The following DNAJC18 variants were observed in gnomAD, a reference collection of about 807,000 sequenced individuals.
DNAJC18 encodes dnaJ homolog subfamily C member 18.
DNAJC18 carries 40 observed loss-of-function variants against 48.6 expected under a neutral mutation model. The observed-to-expected ratio is 0.82, with a 90% CI of 0.64 to 1.07. DNAJC18 has a LOEUF of 1.07. DNAJC18 is among the 50% of genes least tolerant of loss of function. DNAJC18 has a pLI of 0.00. For missense variants in DNAJC18, 340 were observed against 427.7 expected, an observed-to-expected ratio of 0.79 and a Z score of 1.81; for synonymous variants, 135 against 152.2, an observed-to-expected ratio of 0.89 and a Z score of 0.83.
At chr5:139,423,647 C>T (rs1665010803) in intron 5 of DNAJC18, among the ~76,000 whole-genome samples, 1 of 151,958 alleles carries the variant, frequency 6.6e-6, no homozygotes, top group South Asian at 2.1e-4. Flanking sequence ...CCTCAGTTCC[C>T]CCAAAGTGTT....
chr5:139,419,277 G>A, intron 7 of DNAJC18: 1 of 380,236 alleles, frequency 2.6e-6, no homozygotes, highest in South Asian at 2.0e-5. Flanking sequence ...CAAAGGTGAA[G>A]CTGTTGGCTG....
In DNAJC18 at chr5:139,412,819, A is replaced by T. The variant is rs543319794; in HGVS notation, c.*1329T>A. On this transcript the variant is annotated 3_prime_UTR_variant, in exon 8 of 8. Coordinates refer to ENST00000302060, the MANE Select transcript of DNAJC18 (RefSeq NM_152686.4). ...TCCTGCTTCCTAAAGAGCAGCAGGGATGTTGTCCTGAACAGATGCAAGATT... is the reference window on the plus strand; with the variant it reads ...TCCTGCTTCCTAAAGAGCAGCAGGGTTGTTGTCCTGAACAGATGCAAGATT... 6.8e-5 allele frequency: 27 copies of T among 398,614 alleles called. No individual in the cohort carries two copies. In the South Asian group the frequency reaches 3.3e-3, roughly 49 times the overall value. The allele number at this position is 398,614 out of a possible 1,614,324, so 24.7% of individuals were successfully genotyped here. A position where few individuals can be genotyped will look rare whatever the true frequency, so the allele number is the denominator to read the frequency against.
intron 4 of DNAJC18, 50 bp from the exon 5 acceptor site, chr5:139,425,164 C>A: frequency 1.3e-6 from 2 of 1,505,392 alleles, no homozygotes; most frequent in Admixed American, 1.8e-5. Context: ...CCTTCCCTGC[C>A]TTTTTCTTTT....
intron 5 of DNAJC18, among the ~76,000 whole-genome samples, chr5:139,423,025 C>T (rs1284661887): frequency 2.0e-5 from 3 of 152,046 alleles, no homozygotes; most frequent in African/African-American, 7.2e-5. Context: ...TTAGTAGAGA[C>T]AGGGTTTCAC....
In DNAJC18 at chr5:139,426,159, T is replaced by G. The variant is rs1759239791; in HGVS notation, c.559+13A>C. 1 of 1,608,152 alleles carries G rather than the reference T, an allele frequency of 6.2e-7. No individual in the cohort carries two copies. Among genetic ancestry groups the G allele is most frequent in the Non-Finnish European group, 8.5e-7 (1 of 1,178,254 alleles). On this transcript the variant is annotated intron_variant, in intron 4 of 7. Coordinates refer to ENST00000302060, the MANE Select transcript of DNAJC18 (RefSeq NM_152686.4). ...AGAAATATGTTTAAGAATGATAATT[T>G]GGGGAGACTAACCTGTAGGAAAATG...
At chr5:139,428,201 A>G (rs1759273234) in intron 3 of DNAJC18, among the ~76,000 whole-genome samples, 1 of 152,232 alleles carries the variant, frequency 6.6e-6, no homozygotes, top group Admixed American at 6.5e-5. Flanking sequence ...GTTTGAGATC[A>G]GCCAGAGCAA....
At chr5:139,435,974 T>C (rs1445810385) in intron 2 of DNAJC18, among the ~76,000 whole-genome samples, 4 of 152,034 alleles carry the variant, frequency 2.6e-5, no homozygotes, top group Admixed American at 6.6e-5. Flanking sequence ...TCCTCCCACC[T>C]CAGCCTCCCA....
In DNAJC18 at chr5:139,413,870, T is replaced by A. The variant is rs562355422; in HGVS notation, c.*278A>T. ...TGGGATGCCCTGAACTCCATTCACA[T>A]AGGCAGGGTAGGCATGGAGCAGGGA... On this transcript the variant is annotated 3_prime_UTR_variant, in exon 8 of 8. Coordinates refer to ENST00000302060, the MANE Select transcript of DNAJC18 (RefSeq NM_152686.4). 13 of 381,704 alleles carry A rather than the reference T, an allele frequency of 3.4e-5. No individual in the cohort carries two copies. In the East Asian group the frequency reaches 6.6e-4, roughly 19 times the overall value. The allele number at this position is 381,704 out of a possible 1,614,324, so 23.6% of individuals were successfully genotyped here.
At chr5:139,428,820 A>T in intron 2 of DNAJC18, 137 bp from the exon 3 acceptor site, 1 of 1,061,244 alleles carries the variant, frequency 9.4e-7, no homozygotes, top group Non-Finnish European at 1.3e-6. Flanking sequence ...CGTTAATGAA[A>T]CATTCAAATT....
At chr5:139,437,589 C>T (rs1750698307) in intron 1 of DNAJC18, 31 bp from the exon 2 acceptor site, 2 of 1,575,560 alleles carry the variant, frequency 1.3e-6, no homozygotes, top group Admixed American at 1.9e-5. Flanking sequence ...ATTAGGTCTC[C>T]ATCTGACCCT....
chr5:139,419,387 TA>T (rs1161434145), intron 7 of DNAJC18, among the ~76,000 whole-genome samples: 9 of 151,946 alleles, frequency 5.9e-5, no homozygotes, highest in Non-Finnish European at 1.2e-4. Context: ...GAGAGGGAAA[TA>T]GGGGGGAAGG....
chr5:139,427,441 A>G (rs1335175952), intron 3 of DNAJC18, among the ~76,000 whole-genome samples: 1 of 152,206 alleles, frequency 6.6e-6, no homozygotes, highest in East Asian at 1.9e-4. Flanking sequence ...TGTCAGAAAC[A>G]CAGAAAGAGT....
chr5:139,439,271 A>G lies in DNAJC18; in HGVS notation c.40+135T>C. Reference sequence around the variant, plus strand: ...CCCTACCCCATCCGCAACCCTACTCAGGCTCAGCATCTTTTCACAGGCCTC... The same window carrying G: ...CCCTACCCCATCCGCAACCCTACTCGGGCTCAGCATCTTTTCACAGGCCTC... On this transcript the variant is annotated intron_variant, in intron 1 of 7. Coordinates refer to ENST00000302060, the MANE Select transcript of DNAJC18 (RefSeq NM_152686.4). The surrounding 1 kb of genome is among the most constrained non-coding windows in gnomAD (Gnocchi z 4.1). The G allele has an allele frequency of 2.8e-6, 4 of 1,417,800 alleles. No individual in the cohort carries two copies. Among genetic ancestry groups the G allele is most frequent in the Non-Finnish European group, 3.9e-6 (4 of 1,023,484 alleles). The allele number at this position is 1,417,800 out of a possible 1,614,324, so 87.8% of individuals were successfully genotyped here. A position where few individuals can be genotyped will look rare whatever the true frequency, so the allele number is the denominator to read the frequency against.
At chr5:139,435,530 A>G (rs1750622732) in intron 2 of DNAJC18, among the ~76,000 whole-genome samples, 1 of 152,058 alleles carries the variant, frequency 6.6e-6, no homozygotes, top group African/African-American at 2.4e-5. Flanking sequence ...AATACTTTTT[A>G]CATTGCTGTA....
intron 2 of DNAJC18, among the ~76,000 whole-genome samples, chr5:139,435,881 G>A (rs1750646390): frequency 6.6e-6 from 1 of 150,902 alleles, no homozygotes; most frequent in East Asian, 2.0e-4. Context: ...AATTTTTGTG[G>A]GGTCTTTTTG....
chr5:139,437,330 A>G, intron 2 of DNAJC18, 42 bp downstream of exon 2: 1 of 1,555,128 alleles, frequency 6.4e-7, no homozygotes, highest in Non-Finnish European at 8.7e-7. Flanking sequence ...TCTTCTAAGC[A>G]CTTTCCATAA....
chr5:139,416,856 G>T (rs1447472649), intron 7 of DNAJC18, among the ~76,000 whole-genome samples: 2 of 152,200 alleles, frequency 1.3e-5, no homozygotes, highest in East Asian at 1.9e-4. Context: ...GAAGTAAACA[G>T]GACAATTAGT....
At chr5:139,426,876 G>A (rs1045489211) in intron 3 of DNAJC18, among the ~76,000 whole-genome samples, 4 of 152,106 alleles carry the variant, frequency 2.6e-5, no homozygotes, top group Admixed American at 1.3e-4. Context: ...CACAAAGAGT[G>A]CTCTTTACTT....
intron 2 of DNAJC18, among the ~76,000 whole-genome samples, chr5:139,435,730 T>TTTTTTTTTTTTTTTTTTTTTTC (rs1438818286): frequency 1.5e-5 from 2 of 131,852 alleles, no homozygotes; most frequent in East Asian, 5.1e-4. Flanking sequence ...TTTTTTTTTT[T>TTTTTTTTTTTTTTTTTTTTTTC]TTCAGACAAG....
Sources: allele counts gnomAD v4.1 joint callset (sites outside exome capture counted in the v4.1 genomes callset), GRCh38; gene constraint gnomAD v4.1.1; non-coding constraint Gnocchi (gnomAD v3.1); transcripts MANE v1.5; gene names NCBI Gene and HGNC (gene_info 2026-07-23, HGNC 2026-07-21).